SYN3: variants seen among roughly 807,000 people sequenced by gnomAD.
SYN3 encodes synapsin III.
SYN3 carries 35 observed loss-of-function variants against 65.8 expected under a neutral mutation model. That is an observed-to-expected ratio of 0.53 (90% CI 0.41 to 0.70). The LOEUF (loss-of-function observed/expected upper bound fraction) is 0.70, where lower values mean the gene tolerates loss of function less well. SYN3 is among the 30% of genes least tolerant of loss of function. The pLI is 0.00. For synonymous variants in SYN3, 270 were observed against 292.9 expected, an observed-to-expected ratio of 0.92 and a Z score of 0.80; for missense variants, 680 against 749.0, an observed-to-expected ratio of 0.91 and a Z score of 1.08.
At chr22:32,724,699 G>A (rs2061165933) in intron 6 of SYN3, among the ~76,000 whole-genome samples, 1 of 152,064 alleles carries the variant, frequency 6.6e-6, no homozygotes, top group African/African-American at 2.4e-5. Flanking sequence ...GTCAAGTGTC[G>A]GGGACAGAGA....
At chr22:33,011,933 C>A (rs1247454579) in intron 1 of SYN3, among the ~76,000 whole-genome samples, 2 of 152,110 alleles carry the variant, frequency 1.3e-5, no homozygotes, top group Non-Finnish European at 2.9e-5. Context: ...CTTTTTCTCT[C>A]TTTTTGACTG....
intron 6 of SYN3, among the ~76,000 whole-genome samples, chr22:32,845,126 G>A (rs557273667): frequency 5.4e-4 from 82 of 152,210 alleles, no homozygotes; most frequent in Non-Finnish European, 9.3e-4. Flanking sequence ...CTCAGAGGCT[G>A]AGATTCACAC....
chr22:32,810,944 G>A (rs2046899980), intron 6 of SYN3, among the ~76,000 whole-genome samples: 1 of 152,150 alleles, frequency 6.6e-6, no homozygotes. Context: ...AGCTTGGGCA[G>A]GTTCTTTGCC....
intron 4 of SYN3, among the ~76,000 whole-genome samples, chr22:32,926,545 C>G (rs1302523367): frequency 6.6e-6 from 1 of 151,998 alleles, no homozygotes; most frequent in African/African-American, 2.4e-5. Flanking sequence ...CTATTTTTTC[C>G]CCCAGACATT....
chr22:33,033,403 C>T (rs1170197446), intron 1 of SYN3, among the ~76,000 whole-genome samples: 1 of 152,222 alleles, frequency 6.6e-6, no homozygotes, highest in Non-Finnish European at 1.5e-5. Context: ...CTTGCTCCCT[C>T]CTTGTCATTT....
intron 1 of SYN3, among the ~76,000 whole-genome samples, chr22:33,030,946 AAGAC>A (rs1252967728): frequency 6.6e-6 from 1 of 152,126 alleles, no homozygotes; most frequent in African/African-American, 2.4e-5. Context: ...CAGAGACAGA[AAGAC>A]AGATATACAT....
In SYN3 at chr22:33,041,294, C is replaced by CTTTT. The variant is rs531793626; in HGVS notation, c.-163+16994_-163+16997dup. On this transcript the variant is annotated intron_variant, in intron 1 of 13. Transcript: ENST00000358763. The stretch of plus-strand genomic sequence containing the variant: ...TCCCATGTAGCACTAGGAACTCTTT[C>CTTTT]TTTTTTTTTTTTTTTGAGACGGAGT... 2.3e-5 allele frequency among the ~76,000 whole-genome samples: 3 copies of CTTTT among 129,324 alleles called. 1 individual carries two copies. Among genetic ancestry groups the CTTTT allele is most frequent in the Non-Finnish European group, 3.3e-5 (2 of 60,230 alleles). 84.8% of individuals were successfully genotyped at this position (129,324 alleles called of 152,430 possible). A position where few individuals can be genotyped will look rare whatever the true frequency, so the allele number is the denominator to read the frequency against.
intron 6 of SYN3, among the ~76,000 whole-genome samples, chr22:32,628,162 C>T (rs1296812308): frequency 6.6e-6 from 1 of 152,138 alleles, no homozygotes; most frequent in Non-Finnish European, 1.5e-5. Context: ...GGAGCCTGCA[C>T]ACCCTCAGCC....
chr22:32,639,955 G>A (rs1272481756), intron 6 of SYN3, among the ~76,000 whole-genome samples: 1 of 152,154 alleles, frequency 6.6e-6, no homozygotes, highest in Non-Finnish European at 1.5e-5. Context: ...ATTTGATCCT[G>A]ATCCAATTCT....
chr22:32,743,030 A>G (rs1321310586), intron 6 of SYN3, among the ~76,000 whole-genome samples: 1 of 152,268 alleles, frequency 6.6e-6, no homozygotes, highest in Non-Finnish European at 1.5e-5. Context: ...TTGTCCATTC[A>G]ATAATAGTGA....
At chr22:32,678,058 G>A (rs1045264187) in intron 6 of SYN3, among the ~76,000 whole-genome samples, 1 of 152,184 alleles carries the variant, frequency 6.6e-6, no homozygotes, top group Non-Finnish European at 1.5e-5. Flanking sequence ...AAGTTCCCAG[G>A]AGCTGAATAG....
intron 1 of SYN3, among the ~76,000 whole-genome samples, chr22:33,031,664 C>G (rs1025282627): frequency 2.0e-5 from 3 of 152,064 alleles, no homozygotes; most frequent in African/African-American, 7.2e-5. Context: ...TCCGAGCTGT[C>G]CTTTCTCTTC....
intron 6 of SYN3, among the ~76,000 whole-genome samples, chr22:32,638,213 A>C (rs1398778937): frequency 7.0e-6 from 1 of 143,740 alleles, no homozygotes; most frequent in South Asian, 2.4e-4. Context: ...TATCCAGGTC[A>C]CTCTTGGTGG....
At chr22:32,884,229 G>A (rs922264406) in intron 4 of SYN3, among the ~76,000 whole-genome samples, 1 of 152,150 alleles carries the variant, frequency 6.6e-6, no homozygotes, top group Non-Finnish European at 1.5e-5. Context: ...GAGAACTACT[G>A]GTTAAGGCCA....
chr22:33,040,575 GAT>G (rs2053945734), intron 1 of SYN3, among the ~76,000 whole-genome samples: 1 of 152,088 alleles, frequency 6.6e-6, no homozygotes. Flanking sequence ...ATATATGTCT[GAT>G]ATGGTTAGGC....
intron 12 of SYN3, chr22:32,527,606 A>AG: frequency 4.3e-6 from 1 of 232,328 alleles, no homozygotes; most frequent in Non-Finnish European, 8.5e-6. Flanking sequence ...CTCAAAAGAA[A>AG]AAAAAAAAAA....
intron 4 of SYN3, among the ~76,000 whole-genome samples, chr22:32,917,031 A>T (rs1017390311): frequency 6.6e-6 from 1 of 152,116 alleles, no homozygotes; most frequent in Non-Finnish European, 1.5e-5. Flanking sequence ...GGTGTACAAG[A>T]CTAGTTGTGG....
Position 32,857,868 on chromosome 22 carries a change from G to T in SYN3, c.711+7047C>A, listed in dbSNP as rs2146288481. ...AATGGGGCTACAGTCCATTTTAAAAGGTGTTGGGTAGGGTGAAATAAAATC... is the reference window on the plus strand; with the variant it reads ...AATGGGGCTACAGTCCATTTTAAAATGTGTTGGGTAGGGTGAAATAAAATC... On this transcript the variant is annotated intron_variant, in intron 6 of 13. Transcript: ENST00000358763. The T allele has an allele frequency of 2.5e-6, 3 of 1,194,892 alleles. No homozygotes were observed. The South Asian group carries it at 3.8e-5, about 15-fold the overall frequency. 74.0% of individuals were successfully genotyped at this position (1,194,892 alleles called of 1,614,324 possible). A position where few individuals can be genotyped will look rare whatever the true frequency, so the allele number is the denominator to read the frequency against.
chr22:33,039,209 C>T (rs2053915970), intron 1 of SYN3, among the ~76,000 whole-genome samples: 1 of 152,118 alleles, frequency 6.6e-6, no homozygotes, highest in Non-Finnish European at 1.5e-5. Context: ...TGTCTAAGGT[C>T]ACCCGGGCAG....
Sources: allele counts gnomAD v4.1 joint callset (sites outside exome capture counted in the v4.1 genomes callset), GRCh38; gene constraint gnomAD v4.1.1; transcripts MANE v1.5; gene names NCBI Gene and HGNC (gene_info 2026-07-23, HGNC 2026-07-21).